The following ROR1 variants were observed in gnomAD, a reference collection of about 807,000 sequenced individuals.
ROR1 encodes the protein ROR family WNT receptor 1.
ROR1 carries 19 observed loss-of-function variants against 78.8 expected under a neutral mutation model. The observed-to-expected ratio is 0.24, with a 90% confidence interval of 0.17 to 0.35. The LOEUF is 0.35. Ranked by LOEUF, ROR1 falls within the 10% of genes least tolerant of loss-of-function variation. ROR1 has a pLI of 1.00. For synonymous variants in ROR1, 386 were observed against 433.6 expected (o/e 0.89, Z 1.36); for missense variants, 917 against 1,177.8 (o/e 0.78, Z 3.24).
intron 4 of ROR1, among the ~76,000 whole-genome samples, chr1:64,062,662 A>T (rs1646926560): frequency 6.6e-6 from 1 of 152,182 alleles, no homozygotes; most frequent in Admixed American, 6.5e-5. Flanking sequence ...GTAGGCCCAG[A>T]AGGCTGATAA....
chr1:64,177,537 A>G lies in ROR1; in HGVS notation c.1496A>G (p.His499Arg). The change falls in exon 9 of 9, where the codon CAT (histidine) becomes CGT (arginine). Residue 499 changes from histidine to arginine, a missense_variant. Physicochemically the swap from His to Arg is conservative, Grantham distance 29. This residue lies in a region of ROR1 where 835 missense variants were observed against 1,069.8 expected (regional missense o/e 0.78). Transcript: ENST00000371079. ...KGHLYLPGMD[H>R]AQLVAIKTLK... ...CATCTCTATCTCCCAGGCATGGACC[A>G]TGCTCAGCTGGTTGCTATCAAGACC... is the stretch of plus-strand genomic sequence containing the variant. 1.9e-6 allele frequency: 3 copies of G among 1,614,202 alleles called. No homozygotes were observed. The highest frequency in any genetic ancestry group is 1.3e-5 in the African/African-American group (1 of 75,056).
rs1557686903 is a variant in ROR1, at chr1:64,179,038, A to AC, written c.*183_*184insC. ...ACACTCGGCCAGAAAAAAAAAAAAA[A>AC]AAAAAAAACAAGCAAACAAAAACAT... On this transcript the variant is annotated 3_prime_UTR_variant, in exon 9 of 9. Transcript: ENST00000371079. 40 of 540,496 alleles carry AC rather than the reference A, an allele frequency of 7.4e-5. No homozygotes were observed. Among genetic ancestry groups the AC allele is most frequent in the Non-Finnish European group, 8.7e-5 (27 of 309,250 alleles). The allele number at this position is 540,496 out of a possible 1,614,324, so 33.5% of individuals were successfully genotyped here. A position where few individuals can be genotyped will look rare whatever the true frequency, so the allele number is the denominator to read the frequency against.
chr1:63,774,371 C>G lies in ROR1; in HGVS notation c.-47C>G. 1.7e-6 allele frequency: 2 copies of G among 1,207,448 alleles called. No individual in the cohort carries two copies. Among genetic ancestry groups the G allele is most frequent in the Non-Finnish European group, 2.1e-6 (2 of 936,424 alleles). 74.8% of individuals were successfully genotyped at this position (1,207,448 alleles called of 1,614,324 possible). A position where few individuals can be genotyped will look rare whatever the true frequency, so the allele number is the denominator to read the frequency against. On this transcript the variant is annotated 5_prime_UTR_variant, in exon 1 of 9. Coordinates refer to ENST00000371079, the MANE Select transcript of ROR1 (RefSeq NM_005012.4). The surrounding 1 kb of genome is among the most constrained non-coding windows in gnomAD (Gnocchi z 5.7). ...CCGGGAAGAGCCCGTGGATGTTCTG[C>G]GCGCGGCCTGGGAGCCGCCGCCGCC...
chr1:63,802,119 A>G (rs1644801290), intron 1 of ROR1, among the ~76,000 whole-genome samples: 1 of 152,236 alleles, frequency 6.6e-6, no homozygotes, highest in Admixed American at 6.5e-5. Context: ...CACAGAAGCA[A>G]CAACTCGTCT....
intron 1 of ROR1, among the ~76,000 whole-genome samples, chr1:63,944,300 T>C (rs947226044): frequency 1.3e-5 from 2 of 152,124 alleles, no homozygotes; most frequent in Admixed American, 1.3e-4. Context: ...TTTCAGAAGG[T>C]TGAAAAAGAT....
chr1:64,139,982 TG>T, intron 5 of ROR1, 126 bp from the exon 6 acceptor site: 1 of 828,790 alleles, frequency 1.2e-6, no homozygotes, highest in Non-Finnish European at 1.9e-6. Context: ...TCTCCTTCTC[TG>T]GGCCTTGTCT....
chr1:63,815,824 AGGACCTACTGACACAGTCCTGGGGTGGG>A (rs1218451212), intron 1 of ROR1, among the ~76,000 whole-genome samples: 45 of 152,124 alleles, frequency 3.0e-4, no homozygotes, highest in African/African-American at 1.0e-3. Flanking sequence ...GGTCCTGCCC[AGGACCTACTGACACAGTCCTGGGGTGGG>A]GGACCTGCCC....
chr1:63,845,760 T>C lies in ROR1; in HGVS notation c.91+71252T>C, dbSNP rs536367846. 1.1e-4 allele frequency among the ~76,000 whole-genome samples: 17 copies of C among 152,318 alleles called. No individual in the cohort carries two copies. The South Asian group carries it at 3.5e-3, about 32-fold the overall frequency. ...TAGTAACTTCCAACTTTTGGGAGTG[T>C]CTGCTGTGCCCCAGATAGTTGTATG... On this transcript the variant is annotated intron_variant, in intron 1 of 8. Transcript: ENST00000371079.
chr1:64,119,574 G>A (rs1296380491), intron 4 of ROR1, among the ~76,000 whole-genome samples: 1 of 151,016 alleles, frequency 6.6e-6, no homozygotes, highest in Admixed American at 6.6e-5. Flanking sequence ...AGGAGGTGGA[G>A]GTTGCAGTGA....
intron 4 of ROR1, among the ~76,000 whole-genome samples, chr1:64,085,948 G>A (rs1647149097): frequency 6.6e-6 from 1 of 152,144 alleles, no homozygotes; most frequent in Non-Finnish European, 1.5e-5. Context: ...ATGTGCCGTT[G>A]GTTATCATGG....
At chr1:64,133,941 A>G (rs181353354) in intron 4 of ROR1, among the ~76,000 whole-genome samples, 5 of 152,338 alleles carry the variant, frequency 3.3e-5, no homozygotes, top group Admixed American at 3.3e-4. Flanking sequence ...AATGGAAAAG[A>G]AAGAAATGTG....
At chr1:64,090,686 T>C (rs1569726380) in intron 4 of ROR1, among the ~76,000 whole-genome samples, 1 of 152,190 alleles carries the variant, frequency 6.6e-6, no homozygotes, top group Admixed American at 6.5e-5. Context: ...TAAGTTGTCC[T>C]GGTGATAAGC....
At chr1:63,972,519 T>C (rs1477802126) in intron 1 of ROR1, among the ~76,000 whole-genome samples, 27 of 152,198 alleles carry the variant, frequency 1.8e-4, no homozygotes, top group Admixed American at 1.8e-3. Context: ...ATTGTATCTA[T>C]GAGGTGTTAG....
intron 1 of ROR1, among the ~76,000 whole-genome samples, chr1:63,928,487 T>C (rs1437824108): frequency 6.6e-6 from 1 of 152,206 alleles, no homozygotes; most frequent in Admixed American, 6.5e-5. Context: ...GACGCTAATA[T>C]GGTTATTAGG....
At chr1:63,846,195 C>T (rs1645080343) in intron 1 of ROR1, among the ~76,000 whole-genome samples, 1 of 149,342 alleles carries the variant, frequency 6.7e-6, no homozygotes, top group Non-Finnish European at 1.5e-5. Context: ...AGCTGTGGTT[C>T]TTGCTTTCAC....
At chr1:64,128,719 A>G (rs946665342) in intron 4 of ROR1, among the ~76,000 whole-genome samples, 5 of 152,228 alleles carry the variant, frequency 3.3e-5, no homozygotes, top group African/African-American at 1.2e-4. Context: ...AAGTTTGTTT[A>G]TAAACAATAA....
chr1:63,846,669 G>A (rs1449585856), intron 1 of ROR1, among the ~76,000 whole-genome samples: 2 of 152,170 alleles, frequency 1.3e-5, no homozygotes, highest in Non-Finnish European at 2.9e-5. Flanking sequence ...GTTGGAAAGG[G>A]CCTTGAAATC....
At chr1:63,940,588 A>G (rs1417357739) in intron 1 of ROR1, among the ~76,000 whole-genome samples, 1 of 152,202 alleles carries the variant, frequency 6.6e-6, no homozygotes, top group Non-Finnish European at 1.5e-5. Context: ...TGTAATGCCA[A>G]CTGACATATG....
intron 4 of ROR1, among the ~76,000 whole-genome samples, chr1:64,117,138 G>A (rs563226970): frequency 6.6e-6 from 1 of 152,178 alleles, no homozygotes; most frequent in East Asian, 1.9e-4. Context: ...AGGGGATAGA[G>A]GGGTGTGGGA....
Sources: gnomAD v4.1 joint callset for allele counts (sites outside exome capture counted in the v4.1 genomes callset) on GRCh38, gnomAD v4.1.1 for gene constraint, gnomAD v4.1.1 regional missense constraint, Gnocchi (gnomAD v3.1) non-coding constraint, MANE v1.5 for transcripts, NCBI Gene and HGNC (gene_info 2026-07-23, HGNC 2026-07-21) for gene names.